Variants in MAP3K13 observed in about 807,000 individuals in gnomAD.
The protein encoded by MAP3K13 is mitogen-activated protein kinase kinase kinase 13, also known as leucine zipper-bearing kinase.
In MAP3K13, 52 loss-of-function variants were observed where a neutral mutation model predicts 104.0. The observed-to-expected ratio is 0.50, with a 90% CI of 0.40 to 0.63. The LOEUF (loss-of-function observed/expected upper bound fraction) is 0.63. Ranked by LOEUF, MAP3K13 falls within the 20% of genes least tolerant of loss-of-function variation. The pLI, the probability that MAP3K13 is intolerant of heterozygous loss-of-function variation, is 0.00. For synonymous variants in MAP3K13, 394 were observed against 442.2 expected (o/e 0.89, Z 1.37); for missense variants, 914 against 1,218.5 (o/e 0.75, Z 3.72).
chr3:185,294,872 T>C (rs1336488676), intron 2 of MAP3K13, among the ~76,000 whole-genome samples: 1 of 152,210 alleles, frequency 6.6e-6, no homozygotes, highest in African/African-American at 2.4e-5. Flanking sequence ...CTGTCTTTTC[T>C]ACTTCCTAAA....
intron 2 of MAP3K13, among the ~76,000 whole-genome samples, chr3:185,342,168 G>A (rs894715859): frequency 7.2e-5 from 11 of 152,254 alleles, no homozygotes; most frequent in South Asian, 4.1e-4. Flanking sequence ...TCAACTGCTT[G>A]ACTGCAACTT....
At chr3:185,358,355 C>A (rs188099922), upstream of MAP3K13, among the ~76,000 whole-genome samples, 87 of 152,190 alleles carry the variant, frequency 5.7e-4, no homozygotes, top group African/African-American at 2.0e-3. Context: ...ACAAATTCTC[C>A]ATGTGAATTC....
At chr3:185,469,859 T>G (rs1413416923) in intron 10 of MAP3K13, among the ~76,000 whole-genome samples, 1 of 152,204 alleles carries the variant, frequency 6.6e-6, no homozygotes, top group Non-Finnish European at 1.5e-5. Flanking sequence ...GATTGAAAAT[T>G]AGGAGAGACT....
At chr3:185,353,116 C>T (rs1264598359) in intron 2 of MAP3K13, among the ~76,000 whole-genome samples, 1 of 152,178 alleles carries the variant, frequency 6.6e-6, no homozygotes, top group Non-Finnish European at 1.5e-5. Context: ...CAGAGTTTTT[C>T]CCTGAAAGAT....
At position 185,466,153 on chromosome 3, in the gene MAP3K13, T is replaced by G. The variant is rs192205421; in HGVS notation, c.1505+290T>G. Among the ~76,000 whole-genome samples the G allele has an allele frequency of 4.5e-4, 69 of 152,300 alleles. 1 individual carries two copies. The highest frequency in any genetic ancestry group is 1.6e-3 in the African/African-American group (65 of 41,582). On this transcript the variant is annotated intron_variant, in intron 9 of 13. Coordinates refer to ENST00000265026, the MANE Select transcript of MAP3K13 (RefSeq NM_004721.5). Reference sequence around the variant, plus strand: ...ACGGGGTGAAGACCGGGGAGCCGATTGCCCCCTGGGGAAATGTATTGGCTG... The same window carrying G: ...ACGGGGTGAAGACCGGGGAGCCGATGGCCCCCTGGGGAAATGTATTGGCTG...
intron 2 of MAP3K13, among the ~76,000 whole-genome samples, chr3:185,313,560 C>A (rs1452147793): frequency 6.6e-6 from 1 of 152,100 alleles, no homozygotes; most frequent in Non-Finnish European, 1.5e-5. Flanking sequence ...TGAGCCACTG[C>A]ACCCTGCCAA....
intron 1 of MAP3K13, among the ~76,000 whole-genome samples, chr3:185,387,365 C>T (rs1711757070): frequency 6.6e-6 from 1 of 152,110 alleles, no homozygotes; most frequent in South Asian, 2.1e-4. Flanking sequence ...GTTGCTTCCT[C>T]TCTCTCTATG....
chr3:185,377,855 G>C (rs1275920964), intron 1 of MAP3K13, among the ~76,000 whole-genome samples: 1 of 152,218 alleles, frequency 6.6e-6, no homozygotes, highest in African/African-American at 2.4e-5. Context: ...CAGAGTTCCA[G>C]GGGCTCTGGG....
chr3:185,328,362 G>T lies in MAP3K13; in HGVS notation c.-86+42719G>T, dbSNP rs116690750. On this transcript the variant is annotated intron_variant, in intron 2 of 14. Coordinates refer to the MAP3K13 transcript ENST00000424227. The stretch of plus-strand genomic sequence containing the variant: ...TTTTGAAATGGAGTTTCAAAAAGGA[G>T]CCTCAGCCTCCCGAGTAGCTGGGAT... Among the ~76,000 whole-genome samples the T allele has an allele frequency of 5.2e-3, 792 of 152,270 alleles. 12 individuals carry two copies. Among genetic ancestry groups the T allele is most frequent in the African/African-American group, 0.018 (764 of 41,550 alleles).
intron 2 of MAP3K13, among the ~76,000 whole-genome samples, chr3:185,345,366 A>G (rs1294268778): frequency 2.6e-5 from 4 of 152,140 alleles, no homozygotes; most frequent in Non-Finnish European, 5.9e-5. Context: ...AAGACACACT[A>G]TCTATTACAG....
In MAP3K13 at chr3:185,298,822, G is replaced by A. The variant is rs374512489; in HGVS notation, c.-86+13179G>A. ...GAGGACAAAAAAAACATGTCTAGGCGTTTAACTCATTATCTCCTAAACTAT... is the reference window on the plus strand; with the variant it reads ...GAGGACAAAAAAAACATGTCTAGGCATTTAACTCATTATCTCCTAAACTAT... On this transcript the variant is annotated intron_variant, in intron 2 of 14. Transcript: ENST00000424227. Among the ~76,000 whole-genome samples, 8 of 152,170 alleles carry A rather than the reference G, an allele frequency of 5.3e-5. No homozygotes were observed. The East Asian group carries it at 5.8e-4, about 11-fold the overall frequency.
chr3:185,404,525 CTTCATGGG>C (rs1471958705), intron 1 of MAP3K13, among the ~76,000 whole-genome samples: 2 of 152,160 alleles, frequency 1.3e-5, no homozygotes, highest in Non-Finnish European at 2.9e-5. Flanking sequence ...ATCAGACCAG[CTTCATGGG>C]TATGTAACCT....
At chr3:185,459,771 C>T (rs576110142) in intron 7 of MAP3K13, among the ~76,000 whole-genome samples, 81 of 152,214 alleles carry the variant, frequency 5.3e-4, no homozygotes, top group African/African-American at 1.9e-3. Context: ...TTTTTGAATG[C>T]ATGACTCAGT....
chr3:185,283,898 C>CTTTTTTTTTTTTTTTTTTTT (rs1201384582), intron 1 of MAP3K13, among the ~76,000 whole-genome samples: 16 of 127,410 alleles, frequency 1.3e-4, no homozygotes, highest in African/African-American at 2.7e-4. Flanking sequence ...TTCTTTCTTT[C>CTTTTTTTTTTTTTTTTTTTT]TTTTTTTTTT....
intron 2 of MAP3K13, among the ~76,000 whole-genome samples, chr3:185,313,571 T>C (rs915190801): frequency 2.6e-5 from 4 of 151,998 alleles, no homozygotes; most frequent in African/African-American, 7.2e-5. Context: ...ACCCTGCCAA[T>C]AGTACAATTT....
chr3:185,373,891 GA>G lies in MAP3K13; in HGVS notation c.-86+10524del, dbSNP rs1343485008. 4.8e-5 allele frequency among the ~76,000 whole-genome samples: 7 copies of G among 147,198 alleles called. 1 individual carries two copies. The highest frequency in any genetic ancestry group is 3.5e-4 in the Admixed American group (5 of 14,484). On this transcript the variant is annotated intron_variant, in intron 1 of 13. Coordinates refer to ENST00000265026, the MANE Select transcript of MAP3K13 (RefSeq NM_004721.5). ...TATTTCACCTGGGTGCAGGCGGGCT[GA>G]GTCCGCAAAAGGAGTCAGCAAAGGG...
chr3:185,309,512 CA>C lies in MAP3K13; in HGVS notation c.-86+23887del, dbSNP rs66889332. Among the ~76,000 whole-genome samples, 955 of 105,722 alleles carry C rather than the reference CA, an allele frequency of 9.0e-3. 12 individuals are homozygous for C. The highest frequency in any genetic ancestry group is 0.031 in the African/African-American group (897 of 28,828). The allele number at this position is 105,722 out of a possible 152,430, so 69.4% of individuals were successfully genotyped here. ...GGTGACAAAGCGAGACCTTGTCTCACAAAAAAAAAAAAAAAAAAGAAAGAAA... is the reference window on the plus strand; with the variant it reads ...GGTGACAAAGCGAGACCTTGTCTCACAAAAAAAAAAAAAAAAAGAAAGAAA... On this transcript the variant is annotated intron_variant, in intron 2 of 14. Coordinates refer to the MAP3K13 transcript ENST00000424227.
At chr3:185,304,187 A>C (rs1304211402) in intron 2 of MAP3K13, among the ~76,000 whole-genome samples, 1 of 152,152 alleles carries the variant, frequency 6.6e-6, no homozygotes, top group Non-Finnish European at 1.5e-5. Context: ...GATGCTTGGT[A>C]TGGTTTCAGT....
Position 185,291,477 on chromosome 3 carries a change from G to T in MAP3K13, c.-86+5834G>T, listed in dbSNP as rs1720736287. 25 of 841,808 alleles carry T rather than the reference G, an allele frequency of 3.0e-5. No individual in the cohort carries two copies. The East Asian group carries it at 7.2e-4, about 24-fold the overall frequency. 52.1% of individuals were successfully genotyped at this position (841,808 alleles called of 1,614,324 possible). On this transcript the variant is annotated intron_variant, in intron 2 of 14. Transcript: ENST00000424227. ...AATTTTTTTCCTTTTCTTTGTTTTT[G>T]ATTTTCTCCTTTTGTTCTTTCAGCA...
Sources: gnomAD v4.1 joint callset for allele counts (sites outside exome capture counted in the v4.1 genomes callset) on GRCh38, gnomAD v4.1.1 for gene constraint, MANE v1.5 for transcripts, NCBI Gene and HGNC (gene_info 2026-07-23, HGNC 2026-07-21) for gene names.